The following INTS4 variants were observed in gnomAD, a reference collection of about 807,000 sequenced individuals.
INTS4 encodes the protein integrator complex subunit 4.
INTS4 carries 70 observed loss-of-function variants against 119.5 expected under a neutral mutation model. The observed-to-expected ratio is 0.59, with a 90% CI of 0.48 to 0.71. The LOEUF (loss-of-function observed/expected upper bound fraction) is 0.71. Ranked by LOEUF, INTS4 falls within the 30% of genes least tolerant of loss-of-function variation. The pLI is 0.00. For missense variants in INTS4, 867 were observed against 1,173.2 expected (o/e 0.74, Z 3.81); for synonymous variants, 316 against 419.6 (o/e 0.75, Z 3.02).
At position 77,928,473 on chromosome 11, in the gene INTS4, C is replaced by G; in HGVS notation, c.1240G>C (p.Asp414His). The change falls in exon 11 of 23, where the codon GAT (aspartate) becomes CAT (histidine). Residue 414 changes from aspartate to histidine, a missense_variant. Physicochemically the swap from Asp to His is moderately conservative, Grantham distance 81 (BLOSUM62 -1). Transcript: ENST00000534064. The part of the protein sequence containing the change: ...SSPSFAEKCL[D>H]FLVDMFNDEI... Reference sequence around the variant, plus strand: ...TCGTTGAACATGTCAACTAGGAAATCAAGGCACTTCTCAGCAAAAGAGGGT... The same window carrying G: ...TCGTTGAACATGTCAACTAGGAAATGAAGGCACTTCTCAGCAAAAGAGGGT... 3 of 1,610,586 alleles carry G rather than the reference C, an allele frequency of 1.9e-6. No homozygotes were observed. The highest frequency in any genetic ancestry group is 2.5e-6 in the Non-Finnish European group (3 of 1,178,010).
chr11:77,893,240 T>G (rs529261571), intron 19 of INTS4, among the ~76,000 whole-genome samples: 52 of 152,352 alleles, frequency 3.4e-4, no homozygotes, highest in African/African-American at 1.2e-3. Flanking sequence ...AAAAAATACA[T>G]GTATTCTACA....
downstream of INTS4, chr11:77,877,091 C>G: frequency 1.4e-6 from 1 of 701,304 alleles, no homozygotes; most frequent in Non-Finnish European, 2.6e-6. Flanking sequence ...GTTAATCATT[C>G]TTCCCCTAGT....
chr11:77,900,810 A>G, intron 18 of INTS4: 1 of 592,044 alleles, frequency 1.7e-6, no homozygotes, highest in African/African-American at 1.9e-5. Context: ...AAAGTCTTAC[A>G]GATATAATTA....
chr11:77,980,558 T>C (rs1056335713), intron 3 of INTS4, among the ~76,000 whole-genome samples: 17 of 152,110 alleles, frequency 1.1e-4, no homozygotes, highest in African/African-American at 3.6e-4. Flanking sequence ...TTTTAATATT[T>C]TGTAGAGACA....
chr11:77,961,307 T>C (rs1233851355), intron 4 of INTS4, among the ~76,000 whole-genome samples, 169 bp from the exon 5 acceptor site: 1 of 152,072 alleles, frequency 6.6e-6, no homozygotes, highest in Non-Finnish European at 1.5e-5. Context: ...GTTACTTGAG[T>C]ACGGGTCTTC....
intron 8 of INTS4, among the ~76,000 whole-genome samples, chr11:77,952,030 A>C (rs940028142): frequency 1.2e-4 from 18 of 152,206 alleles, no homozygotes; most frequent in African/African-American, 4.3e-4. Flanking sequence ...GCTGGAGAGG[A>C]TGTGGAGAAA....
At chr11:77,953,032 G>A (rs1954232534) in intron 8 of INTS4, among the ~76,000 whole-genome samples, 1 of 152,202 alleles carries the variant, frequency 6.6e-6, no homozygotes, top group Non-Finnish European at 1.5e-5. Flanking sequence ...AATAAAATCA[G>A]TAACAGCTGG....
chr11:77,925,656 G>C (rs1953481192), intron 11 of INTS4, among the ~76,000 whole-genome samples: 1 of 152,194 alleles, frequency 6.6e-6, no homozygotes, highest in South Asian at 2.1e-4. Flanking sequence ...TTCTGCAACA[G>C]TTTTCCATAA....
intron 18 of INTS4, among the ~76,000 whole-genome samples, chr11:77,897,769 T>C (rs1952594866): frequency 6.6e-6 from 1 of 152,028 alleles, no homozygotes; most frequent in South Asian, 2.1e-4. Context: ...CCTCCCAAAG[T>C]GCTGGGGTTA....
intron 4 of INTS4, among the ~76,000 whole-genome samples, chr11:77,962,748 A>G (rs1855291130): frequency 6.6e-6 from 1 of 151,868 alleles, no homozygotes; most frequent in Non-Finnish European, 1.5e-5. Flanking sequence ...GAAATTGGTC[A>G]CATTACCCAC....
intron 8 of INTS4, among the ~76,000 whole-genome samples, chr11:77,946,852 C>A (rs1954060486): frequency 6.7e-6 from 1 of 149,526 alleles, no homozygotes; most frequent in Non-Finnish European, 1.5e-5. Context: ...AAATAGTGAT[C>A]TAAAGGAAAC....
At position 77,891,753 on chromosome 11, in the gene INTS4, A is replaced by C. The variant is rs750826184; in HGVS notation, c.2376T>G (p.Pro792=). The C allele has an allele frequency of 6.2e-7, 1 of 1,612,030 alleles. No individual in the cohort carries two copies. Among genetic ancestry groups the C allele is most frequent in the Admixed American group, 1.7e-5 (1 of 60,010 alleles). Residue 792 remains proline, a synonymous_variant, in exon 20 of 23, where the codon CCT becomes CCG. Coordinates refer to ENST00000534064, the MANE Select transcript of INTS4 (RefSeq NM_033547.4). ...DLMPRLMTSK[P]AEVVKILQTM... is the part of the protein sequence containing the mutation. ...TCTGTAGAATTTTGACCACTTCTGC[A>C]GGTTTGGATGTCATGAGTCGGGGCA...
chr11:77,895,612 CAT>C (rs1160780752), intron 18 of INTS4, among the ~76,000 whole-genome samples: 55 of 142,034 alleles, frequency 3.9e-4, no homozygotes, highest in Admixed American at 1.5e-3. Context: ...AGTGAAATTT[CAT>C]AGTGAGGTTA....
chr11:77,913,452 C>A (rs1477682814), intron 15 of INTS4, among the ~76,000 whole-genome samples: 1 of 151,794 alleles, frequency 6.6e-6, no homozygotes, highest in Admixed American at 6.6e-5. Context: ...GCTGGGACTA[C>A]AGGCACCCGC....
Position 77,924,905 on chromosome 11 carries a change from A to T in INTS4, c.1372-13T>A, listed in dbSNP as rs775703080. On this transcript the variant is annotated splice_polypyrimidine_tract_variant and intron_variant, in intron 11 of 22. Coordinates refer to ENST00000534064, the MANE Select transcript of INTS4 (RefSeq NM_033547.4). ...CTCTGGATGAATCCTTTTAAAAAAA[A>T]AGTAATAATAACAGTAGTTACTGTT... 6.3e-7 allele frequency: 1 copy of T among 1,596,700 alleles called. No homozygotes were observed. Among genetic ancestry groups the T allele is most frequent in the East Asian group, 2.2e-5 (1 of 44,666 alleles).
intron 4 of INTS4, among the ~76,000 whole-genome samples, chr11:77,972,658 C>T (rs1039474468): frequency 3.9e-5 from 6 of 152,024 alleles, no homozygotes; most frequent in African/African-American, 1.4e-4. Context: ...CTCAAGTGAT[C>T]TGCCTACCAC....
At chr11:77,951,688 G>C (rs1376406600) in intron 8 of INTS4, among the ~76,000 whole-genome samples, 4 of 152,022 alleles carry the variant, frequency 2.6e-5, no homozygotes, top group East Asian at 1.9e-4. Context: ...TAAAGAGCTT[G>C]TGCACAGCAA....
chr11:77,970,520 G>C (rs1208634990), intron 4 of INTS4, among the ~76,000 whole-genome samples: 1 of 151,834 alleles, frequency 6.6e-6, no homozygotes, highest in Non-Finnish European at 1.5e-5. Context: ...GGAACTGCCA[G>C]ACTGTTTTTG....
intron 2 of INTS4, 134 bp from the exon 3 acceptor site, chr11:77,981,710 T>C: frequency 2.5e-6 from 1 of 405,104 alleles, no homozygotes; most frequent in South Asian, 9.4e-5. Flanking sequence ...GAAAAATTAA[T>C]TTTATATACT....
Sources: allele counts gnomAD v4.1 joint callset (sites outside exome capture counted in the v4.1 genomes callset), GRCh38; gene constraint gnomAD v4.1.1; transcripts MANE v1.5; gene names NCBI Gene and HGNC (gene_info 2026-07-23, HGNC 2026-07-21).